The following SUFU variants were observed in gnomAD, a reference collection of about 807,000 sequenced individuals.
The protein encoded by SUFU is SUFU negative regulator of hedgehog signaling.
In SUFU, 7 loss-of-function variants were observed where a neutral mutation model predicts 58.9. That is an observed-to-expected ratio of 0.12 (90% CI 0.07 to 0.22). The LOEUF (loss-of-function observed/expected upper bound fraction) is 0.22, where lower values mean the gene tolerates loss of function less well. Ranked by LOEUF, SUFU falls within the 10% of genes least tolerant of loss-of-function variation. The probability of loss-of-function intolerance (pLI) is 1.00; values close to 1 mark genes in which losing one functional copy is unlikely to be tolerated. For missense variants in SUFU, 451 were observed against 641.3 expected, an observed-to-expected ratio of 0.70 and a Z score of 3.20; for synonymous variants, 232 against 254.8, an observed-to-expected ratio of 0.91 and a Z score of 0.85.
chr10:102,508,312 G>T (rs1408388107), intron 1 of SUFU, among the ~76,000 whole-genome samples: 2 of 152,054 alleles, frequency 1.3e-5, no homozygotes, highest in Non-Finnish European at 2.9e-5. Flanking sequence ...ATTACTAAAG[G>T]GAACTCTTAT....
In SUFU at chr10:102,625,462, G is replaced by C. The variant is rs1258667636; in HGVS notation, c.1297-1713G>C. Among the ~76,000 whole-genome samples, 1 of 152,170 alleles carries C rather than the reference G, an allele frequency of 6.6e-6. No homozygotes were observed. The highest frequency in any genetic ancestry group is 1.5e-5 in the Non-Finnish European group (1 of 68,032). ...GGCTGGGTCTCTTGTCTCCTTGCCAGCCAAAAGAGGGTGCTTGTCCTGGTG... is the reference window on the plus strand; with the variant it reads ...GGCTGGGTCTCTTGTCTCCTTGCCACCCAAAAGAGGGTGCTTGTCCTGGTG... On this transcript the variant is annotated intron_variant, in intron 10 of 11. Coordinates refer to ENST00000369902, the MANE Select transcript of SUFU (RefSeq NM_016169.4). This position sits in a 1 kb window ranked among gnomAD's most constrained non-coding sequence, Gnocchi z 4.7.
chr10:102,597,358 A>G, intron 7 of SUFU, 65 bp downstream of exon 7: 1 of 1,577,898 alleles, frequency 6.3e-7, no homozygotes, highest in Non-Finnish European at 8.6e-7. Context: ...CCTGGTTTCC[A>G]GTCTCTCTAG....
chr10:102,584,122 G>A (rs2063312585), intron 3 of SUFU, among the ~76,000 whole-genome samples: 1 of 152,174 alleles, frequency 6.6e-6, no homozygotes, highest in Non-Finnish European at 1.5e-5. Flanking sequence ...ATATTGAGTA[G>A]GCACGCTATT....
intron 1 of SUFU, 86 bp downstream of exon 1, chr10:102,504,420 A>C: frequency 6.4e-7 from 1 of 1,573,030 alleles, no homozygotes; most frequent in Non-Finnish European, 8.6e-7. Flanking sequence ...GGGAGGTGGG[A>C]GGAGGGGTAG....
At chr10:102,556,084 C>T (rs993080255) in intron 3 of SUFU, among the ~76,000 whole-genome samples, 5 of 152,176 alleles carry the variant, frequency 3.3e-5, no homozygotes, top group African/African-American at 1.2e-4. Context: ...AAGTGACATC[C>T]GCAGTCCTAC....
chr10:102,569,066 T>G (rs1449539206), intron 3 of SUFU, among the ~76,000 whole-genome samples: 1 of 150,580 alleles, frequency 6.6e-6, no homozygotes, highest in Non-Finnish European at 1.5e-5. Context: ...GCAGATAGTT[T>G]CCAGTTTTCC....
rs1211384342 is a variant in SUFU at position 102,568,897 on chromosome 10, A to AT, written c.454+18791_454+18792insT. Among the ~76,000 whole-genome samples the AT allele has an allele frequency of 8.3e-3, 142 of 17,026 alleles. 6 individuals carry two copies. Among genetic ancestry groups the AT allele is most frequent in the African/African-American group, 0.02 (55 of 2,802 alleles). The allele number at this position is 17,026 out of a possible 152,430, so 11.2% of individuals were successfully genotyped here. A position where few individuals can be genotyped will look rare whatever the true frequency, so the allele number is the denominator to read the frequency against. On this transcript the variant is annotated intron_variant, in intron 3 of 11. Transcript: ENST00000369902. ...CTCAAAAAAAAAAAAAAAAAAAAAA[A>AT]ATATATATATATATATATATATACA...
intron 2 of SUFU, among the ~76,000 whole-genome samples, chr10:102,534,130 G>C (rs1020261843): frequency 4.6e-5 from 7 of 152,094 alleles, no homozygotes; most frequent in African/African-American, 1.4e-4. Flanking sequence ...CTGAGTCCTG[G>C]AGAAAGTGGA....
chr10:102,535,484 CAA>C (rs11389840), intron 2 of SUFU, among the ~76,000 whole-genome samples: 8 of 113,676 alleles, frequency 7.0e-5, no homozygotes, highest in Non-Finnish European at 9.3e-5. Flanking sequence ...GACTCCGTCT[CAA>C]AAAAAAAAAA....
intron 3 of SUFU, among the ~76,000 whole-genome samples, chr10:102,577,460 A>G (rs1410017979): frequency 6.6e-6 from 1 of 151,598 alleles, no homozygotes; most frequent in African/African-American, 2.4e-5. Flanking sequence ...TGATCCTCCC[A>G]CTTCAGCCTC....
At chr10:102,537,129 C>T (rs2062749123) in intron 2 of SUFU, among the ~76,000 whole-genome samples, 1 of 119,380 alleles carries the variant, frequency 8.4e-6, no homozygotes, top group Non-Finnish European at 1.7e-5. Flanking sequence ...TTAAATTTAC[C>T]TTTTTTTTTT....
At chr10:102,593,777 C>G in intron 5 of SUFU, 56 bp downstream of exon 5, 1 of 1,545,462 alleles carries the variant, frequency 6.5e-7, no homozygotes, top group Non-Finnish European at 8.9e-7. Flanking sequence ...GTGGGAGTCC[C>G]TCCACTACCC....
rs1175969030 is a variant in SUFU at position 102,629,080 on chromosome 10, C to T, written c.1366-986C>T. Reference sequence around the variant, plus strand: ...CTGAGGCACGAGAATCGCTTGAACCCGGGAAGCAAAAGTTGCAGTGAGCCG... The same window carrying T: ...CTGAGGCACGAGAATCGCTTGAACCTGGGAAGCAAAAGTTGCAGTGAGCCG... On this transcript the variant is annotated intron_variant, in intron 11 of 11. Transcript: ENST00000369902. The surrounding 1 kb of genome is among the most constrained non-coding windows in gnomAD (Gnocchi z 4.7). Among the ~76,000 whole-genome samples, 3 of 152,058 alleles carry T rather than the reference C, an allele frequency of 2.0e-5. No individual in the cohort carries two copies. The highest frequency in any genetic ancestry group is 4.8e-5 in the African/African-American group (2 of 41,384).
chr10:102,619,332 G>A lies in SUFU; in HGVS notation c.1296+1904G>A. 7.0e-7 allele frequency: 1 copy of A among 1,428,026 alleles called. No individual in the cohort carries two copies. Among genetic ancestry groups the A allele is most frequent in the Non-Finnish European group, 9.1e-7 (1 of 1,094,496 alleles). 88.5% of individuals were successfully genotyped at this position (1,428,026 alleles called of 1,614,324 possible). A position where few individuals can be genotyped will look rare whatever the true frequency, so the allele number is the denominator to read the frequency against. ...CTGGCAGCCCCTCAGCGAGCCTGAG[G>A]CCCAGCACCCGCTGGCTCCCCAGCA... is the stretch of plus-strand genomic sequence containing the variant. On this transcript the variant is annotated intron_variant, in intron 10 of 11. Transcript: ENST00000369902. This position sits in a 1 kb window ranked among gnomAD's most constrained non-coding sequence, Gnocchi z 4.2.
At chr10:102,610,744 AATAT>A (rs2063614832) in intron 8 of SUFU, among the ~76,000 whole-genome samples, 2 of 152,216 alleles carry the variant, frequency 1.3e-5, no homozygotes, top group African/African-American at 4.8e-5. Context: ...AAGGAATGCC[AATAT>A]GATGGATGCC....
intron 10 of SUFU, among the ~76,000 whole-genome samples, chr10:102,624,653 AGTC>A (rs1488733430): frequency 6.6e-6 from 1 of 152,182 alleles, no homozygotes; most frequent in African/African-American, 2.4e-5. Flanking sequence ...GTCCAAAATA[AGTC>A]CACACACAGA....
Position 102,549,725 on chromosome 10 carries a change from T to C in SUFU, c.318-245T>C, listed in dbSNP as rs117516904. On this transcript the variant is annotated intron_variant, in intron 2 of 11. Transcript: ENST00000369902. ...AACTCATAATTCAGAGTGCCAGCAG[T>C]AGAATTTGGCCAGGCCAAGGTCACA... is the stretch of plus-strand genomic sequence containing the variant. 8.0e-3 allele frequency among the ~76,000 whole-genome samples: 1,212 copies of C among 152,180 alleles called. 6 individuals are homozygous for C. The highest frequency in any genetic ancestry group is 0.014 in the Non-Finnish European group (922 of 68,002).
At chr10:102,622,945 C>T (rs1445652229) in intron 10 of SUFU, among the ~76,000 whole-genome samples, 3 of 137,804 alleles carry the variant, frequency 2.2e-5, no homozygotes, top group Non-Finnish European at 3.0e-5. Flanking sequence ...GAGTTGAGAT[C>T]GTGCCATTGC....
chr10:102,577,320 A>G (rs1486693868), intron 3 of SUFU, among the ~76,000 whole-genome samples: 6 of 151,672 alleles, frequency 4.0e-5, no homozygotes, highest in Non-Finnish European at 8.8e-5. Flanking sequence ...TAAAGCTTCA[A>G]AGGATTTCCT....
Sources: allele counts gnomAD v4.1 joint callset (sites outside exome capture counted in the v4.1 genomes callset), GRCh38; gene constraint gnomAD v4.1.1; non-coding constraint Gnocchi (gnomAD v3.1); transcripts MANE v1.5; gene names NCBI Gene and HGNC (gene_info 2026-07-23, HGNC 2026-07-21).